The following SGK1 variants were observed in gnomAD, a reference collection of about 807,000 sequenced individuals.
SGK1 encodes the protein serine/threonine-protein kinase Sgk1.
In SGK1, 26 loss-of-function variants were observed where a neutral mutation model predicts 64.2. The ratio of observed to expected loss-of-function variants is 0.40; its 90% CI spans 0.30 to 0.56. The LOEUF (loss-of-function observed/expected upper bound fraction) is 0.56. SGK1 is among the 20% of genes least tolerant of loss of function. The pLI, the probability that SGK1 is intolerant of heterozygous loss-of-function variation, is 0.38. For synonymous variants in SGK1, 265 were observed against 239.7 expected (o/e 1.11, Z -0.98); for missense variants, 519 against 645.6 (o/e 0.80, Z 2.12).
intron 2 of SGK1, among the ~76,000 whole-genome samples, chr6:134,218,931 T>G (rs1350785568): frequency 6.6e-6 from 1 of 152,066 alleles, no homozygotes; most frequent in Non-Finnish European, 1.5e-5. Flanking sequence ...CATAACACAT[T>G]TAGGTTACAA....
intron 13 of SGK1, 132 bp from the exon 14 acceptor site, chr6:134,170,567 A>G (rs1371805689): frequency 2.3e-6 from 2 of 855,056 alleles, no homozygotes; most frequent in Admixed American, 2.7e-5. Flanking sequence ...TCAAGCACAA[A>G]ATCTCAAAAG....
rs766538240 is a variant in SGK1, at chr6:134,232,414, AGAAAG to A, written c.286-24988_286-24984del. 2.0e-3 allele frequency among the ~76,000 whole-genome samples: 135 copies of A among 68,770 alleles called. 12 individuals carry two copies. The highest frequency in any genetic ancestry group is 0.012 in the East Asian group (41 of 3,370). The allele number at this position is 68,770 out of a possible 152,430, so 45.1% of individuals were successfully genotyped here. The stretch of plus-strand genomic sequence containing the variant: ...AAAGAAAGAAGAAAAAGAAAGAAAG[AGAAAG>A]AAAGAAAGAAAGAAAGAAAGAAAGA... On this transcript the variant is annotated intron_variant, in intron 2 of 13. Coordinates refer to ENST00000367858, the MANE Select transcript of SGK1 (RefSeq NM_001143676.3).
chr6:134,242,744 C>T (rs1291958864), intron 2 of SGK1, among the ~76,000 whole-genome samples: 1 of 151,926 alleles, frequency 6.6e-6, no homozygotes, highest in Non-Finnish European at 1.5e-5. Flanking sequence ...GGATTACAGG[C>T]GTGAGCCACT....
rs1314462033 is a variant in SGK1, at chr6:134,174,495, A to C, written c.437+16T>G. ...CAAACTATACTAGTTATTTCCTCAAATCCGGTCAAACTTACTGTTTGCATG... is the reference window on the plus strand; with the variant it reads ...CAAACTATACTAGTTATTTCCTCAACTCCGGTCAAACTTACTGTTTGCATG... On this transcript the variant is annotated intron_variant, in intron 4 of 13. Coordinates refer to ENST00000367858, the MANE Select transcript of SGK1 (RefSeq NM_001143676.3). The C allele has an allele frequency of 6.3e-7, 1 of 1,599,212 alleles. No homozygotes were observed.
intron 3 of SGK1, among the ~76,000 whole-genome samples, chr6:134,199,426 G>A (rs1312651098): frequency 6.6e-6 from 1 of 152,034 alleles, no homozygotes; most frequent in Non-Finnish European, 1.5e-5. Context: ...AGGCGTGGTG[G>A]CGGGTGCCTG....
At chr6:134,237,199 C>T (rs1354473508) in intron 2 of SGK1, among the ~76,000 whole-genome samples, 1 of 151,752 alleles carries the variant, frequency 6.6e-6, no homozygotes. Context: ...GGACTGCTGG[C>T]ACATGCCACC....
intron 1 of SGK1, among the ~76,000 whole-genome samples, chr6:134,265,105 A>G (rs188119858): frequency 8.0e-4 from 122 of 152,370 alleles, no homozygotes; most frequent in African/African-American, 2.8e-3. Flanking sequence ...GAACATAATT[A>G]TATGAGAAAA....
intron 3 of SGK1, chr6:134,175,608 C>A: frequency 1.3e-6 from 2 of 1,543,522 alleles, no homozygotes; most frequent in Non-Finnish European, 1.7e-6. Context: ...TGTGGCGGGG[C>A]CGCAGCAGGG....
intron 1 of SGK1, among the ~76,000 whole-genome samples, chr6:134,267,989 C>T (rs1226972083): frequency 6.6e-6 from 1 of 152,206 alleles, no homozygotes; most frequent in Admixed American, 6.5e-5. Flanking sequence ...TGAAGCCTCA[C>T]AAGTGATTTT....
intron 1 of SGK1, among the ~76,000 whole-genome samples, chr6:134,290,822 G>A (rs756836028): frequency 1.3e-5 from 2 of 152,168 alleles, no homozygotes; most frequent in Non-Finnish European, 2.9e-5. Flanking sequence ...AACTACTCAT[G>A]TCTTCCCACC....
chr6:134,174,056 C>A lies in SGK1; in HGVS notation c.462G>T (p.Lys154Asn). The A allele has an allele frequency of 1.2e-6, 2 of 1,613,472 alleles. No individual in the cohort carries two copies. The highest frequency in any genetic ancestry group is 1.7e-6 in the Non-Finnish European group (2 of 1,179,800). Reference protein sequence around the residue: ...CKHPEVQSILKISQPQEPELM... With the variant: ...CKHPEVQSILNISQPQEPELM... Reference sequence around the variant, plus strand: ...GCTCAGGCTCCTGAGGTTGGGAGATCTTCAAGATGGACTGAACTTCAGGGC... The same window carrying A: ...GCTCAGGCTCCTGAGGTTGGGAGATATTCAAGATGGACTGAACTTCAGGGC... Residue 154 changes from lysine to asparagine, a missense_variant, in exon 5 of 14, where the codon AAG becomes AAT. Lys to Asn is a moderately conservative substitution (Grantham distance 94). Coordinates refer to ENST00000367858, the MANE Select transcript of SGK1 (RefSeq NM_001143676.3).
chr6:134,178,405 G>A (rs1016476283), intron 3 of SGK1, among the ~76,000 whole-genome samples: 22 of 152,194 alleles, frequency 1.4e-4, no homozygotes, highest in African/African-American at 5.3e-4. Context: ...ACACACGGCG[G>A]AGGGGTGCTT....
intron 1 of SGK1, among the ~76,000 whole-genome samples, chr6:134,300,864 C>T (rs9493888): frequency 0.17 from 26,280 of 151,716 alleles, 2,338 homozygotes; most frequent in East Asian, 0.27. Flanking sequence ...GAACTCCTGA[C>T]CTCGGGTGAT....
At chr6:134,306,287 A>G (rs7768319) in intron 1 of SGK1, among the ~76,000 whole-genome samples, 78,947 of 151,552 alleles carry the variant, frequency 0.52, 21,221 homozygotes, top group East Asian at 0.9. Context: ...GCTGGGCATG[A>G]TGGTGCATGC....
intron 1 of SGK1, among the ~76,000 whole-genome samples, chr6:134,269,669 A>AG (rs1161548507): frequency 3.5e-4 from 52 of 146,790 alleles, no homozygotes; most frequent in African/African-American, 1.3e-3. Context: ...AAAAAAAAAA[A>AG]AAAGAGAGAG....
At chr6:134,194,542 G>A (rs1217643622) in intron 3 of SGK1, among the ~76,000 whole-genome samples, 3 of 141,910 alleles carry the variant, frequency 2.1e-5, no homozygotes, top group Admixed American at 7.4e-5. Context: ...TTTTTGAGAC[G>A]GAGTCTCGCT....
At chr6:134,214,518 G>C (rs1775945015) in intron 2 of SGK1, among the ~76,000 whole-genome samples, 1 of 152,040 alleles carries the variant, frequency 6.6e-6, no homozygotes, top group African/African-American at 2.4e-5. Flanking sequence ...TTGAACCTGG[G>C]AGGCGGATGT....
In SGK1 at chr6:134,176,785, C is replaced by T. The variant is rs1469823318; in HGVS notation, c.362-2199G>A. ...TTTGTTTTGCAGGCAAAACCACCCC[C>T]ACTTGCCCTAAAGTGAGCTCTAGTC... On this transcript the variant is annotated intron_variant, in intron 3 of 13. Transcript: ENST00000367858. Among the ~76,000 whole-genome samples the T allele has an allele frequency of 4.6e-5, 7 of 152,194 alleles. No individual in the cohort carries two copies. In the East Asian group the frequency reaches 1.2e-3, roughly 25 times the overall value.
At chr6:134,300,518 A>C (rs1777434541) in intron 1 of SGK1, among the ~76,000 whole-genome samples, 1 of 140,274 alleles carries the variant, frequency 7.1e-6, no homozygotes, top group African/African-American at 2.6e-5. Context: ...AGCCTGGGCA[A>C]CAGCGCAAGA....
Sources: allele counts gnomAD v4.1 joint callset (sites outside exome capture counted in the v4.1 genomes callset), GRCh38; gene constraint gnomAD v4.1.1; transcripts MANE v1.5; gene names NCBI Gene and HGNC (gene_info 2026-07-23, HGNC 2026-07-21).